SLC9A9: variants seen among roughly 807,000 people sequenced by gnomAD.
SLC9A9 encodes the protein solute carrier family 9 member A9.
Under a neutral mutation model 77.8 loss-of-function variants are expected in SLC9A9, and 62 were observed. That is an observed-to-expected ratio of 0.80 (90% CI 0.65 to 0.98). The LOEUF is 0.98. Among genes scored for constraint, SLC9A9 ranks in the 50% least tolerant of loss-of-function variants. SLC9A9 has a pLI of 0.00. For synonymous variants in SLC9A9, 320 were observed against 283.5 expected (o/e 1.13, Z -1.29); for missense variants, 775 against 774.9 (o/e 1.00, Z 0.00).
rs2036519372 is a variant in SLC9A9, at chr3:143,532,150, T to A, written c.1089+20212A>T. On this transcript the variant is annotated intron_variant, in intron 9 of 15. Coordinates refer to ENST00000316549, the MANE Select transcript of SLC9A9 (RefSeq NM_173653.4). ...AAATCCTCATTTTAAGTGTCTAATA[T>A]GATAAACATTGATACATGTAATCAG... Among the ~76,000 whole-genome samples, 9 of 152,364 alleles carry A rather than the reference T, an allele frequency of 5.9e-5. No individual in the cohort carries two copies. The South Asian group carries it at 1.9e-3, about 32-fold the overall frequency.
At chr3:143,545,885 A>G (rs1158520608) in intron 9 of SLC9A9, among the ~76,000 whole-genome samples, 1 of 152,214 alleles carries the variant, frequency 6.6e-6, no homozygotes, top group Non-Finnish European at 1.5e-5. Flanking sequence ...GTCTTTAATC[A>G]AGTGATCCCT....
At chr3:143,454,951 CTCT>C (rs911953968) in intron 12 of SLC9A9, among the ~76,000 whole-genome samples, 7 of 152,206 alleles carry the variant, frequency 4.6e-5, no homozygotes, top group Non-Finnish European at 1.0e-4. Flanking sequence ...AGAGAAAACT[CTCT>C]TCTTATAAAA....
chr3:143,836,936 C>T (rs938792332), intron 1 of SLC9A9, among the ~76,000 whole-genome samples: 2 of 152,120 alleles, frequency 1.3e-5, no homozygotes, highest in Non-Finnish European at 2.9e-5. Flanking sequence ...TAAGGTATAA[C>T]AAGTATTTAC....
At chr3:143,709,674 C>T (rs974893503) in intron 4 of SLC9A9, among the ~76,000 whole-genome samples, 7 of 152,106 alleles carry the variant, frequency 4.6e-5, no homozygotes, top group African/African-American at 1.7e-4. Flanking sequence ...GGCCTCCCTG[C>T]TGATTTGTGG....
At chr3:143,351,222 C>G (rs1157877981) in intron 14 of SLC9A9, among the ~76,000 whole-genome samples, 3 of 152,174 alleles carry the variant, frequency 2.0e-5, no homozygotes, top group Admixed American at 2.0e-4. Flanking sequence ...GATATTTTCT[C>G]TAGTCTACTA....
At chr3:143,733,446 C>A (rs1378027974) in intron 4 of SLC9A9, among the ~76,000 whole-genome samples, 1 of 151,964 alleles carries the variant, frequency 6.6e-6, no homozygotes, top group African/African-American at 2.4e-5. Context: ...AAAGGCCACT[C>A]CTCACATAGA....
intron 4 of SLC9A9, among the ~76,000 whole-genome samples, chr3:143,767,466 A>AG (rs1269260984): frequency 1.3e-5 from 2 of 151,412 alleles, no homozygotes; most frequent in Non-Finnish European, 2.9e-5. Context: ...GTTTGGAGGG[A>AG]GGATAGTTCC....
chr3:143,300,064 G>A (rs978031283), intron 14 of SLC9A9, among the ~76,000 whole-genome samples: 4 of 152,180 alleles, frequency 2.6e-5, no homozygotes, highest in Non-Finnish European at 5.9e-5. Flanking sequence ...AAATGTCTTG[G>A]CACTTGTAGC....
At chr3:143,587,151 C>T (rs2037554444) in intron 6 of SLC9A9, among the ~76,000 whole-genome samples, 1 of 152,180 alleles carries the variant, frequency 6.6e-6, no homozygotes, top group South Asian at 2.1e-4. Context: ...GGGAATAACG[C>T]AATCTCAGGC....
chr3:143,484,525 A>G (rs838648), intron 11 of SLC9A9, among the ~76,000 whole-genome samples: 33,396 of 152,202 alleles, frequency 0.22, 4,797 homozygotes, highest in Non-Finnish European at 0.33. Context: ...CACCTGATTC[A>G]TCACCTGATA....
At chr3:143,691,801 A>G (rs1458509743) in intron 5 of SLC9A9, among the ~76,000 whole-genome samples, 5 of 152,136 alleles carry the variant, frequency 3.3e-5, no homozygotes, top group African/African-American at 1.2e-4. Flanking sequence ...GAAGTCCTAT[A>G]ATAAGTCCTT....
At chr3:143,375,625 C>T (rs2033166673) in intron 13 of SLC9A9, among the ~76,000 whole-genome samples, 1 of 152,180 alleles carries the variant, frequency 6.6e-6, no homozygotes, top group Non-Finnish European at 1.5e-5. Flanking sequence ...CAGCTGACAG[C>T]TCTCCAACTC....
In SLC9A9 at chr3:143,590,889, A is replaced by G. The variant is rs147568430; in HGVS notation, c.756-12166T>C. Among the ~76,000 whole-genome samples, 106 of 152,332 alleles carry G rather than the reference A, an allele frequency of 7.0e-4. No individual in the cohort carries two copies. The East Asian group carries it at 0.016, about 24-fold the overall frequency. On this transcript the variant is annotated intron_variant, in intron 6 of 15. Transcript: ENST00000316549. ...CATAGAGATAAAGAAGAATCAGCAT[A>G]GGGCACTTGCTTAGATTGGAGCCTG... is the stretch of plus-strand genomic sequence containing the variant.
At chr3:143,557,447 G>A (rs965440471) in intron 8 of SLC9A9, among the ~76,000 whole-genome samples, 1 of 152,182 alleles carries the variant, frequency 6.6e-6, no homozygotes, top group Non-Finnish European at 1.5e-5. Flanking sequence ...AACAGGCAGA[G>A]GTTGGAACAG....
chr3:143,385,789 T>G (rs1300534413), intron 12 of SLC9A9, among the ~76,000 whole-genome samples: 2 of 152,140 alleles, frequency 1.3e-5, no homozygotes, highest in Non-Finnish European at 2.9e-5. Context: ...CCAAGGGTCT[T>G]TAGCACCTCT....
chr3:143,482,450 C>T (rs563313001), intron 11 of SLC9A9, among the ~76,000 whole-genome samples: 4 of 152,176 alleles, frequency 2.6e-5, no homozygotes, highest in Non-Finnish European at 5.9e-5. Flanking sequence ...GGTTTCAATG[C>T]CTTCTCAAAA....
At chr3:143,778,433 A>G (rs928722765) in intron 4 of SLC9A9, among the ~76,000 whole-genome samples, 1 of 152,250 alleles carries the variant, frequency 6.6e-6, no homozygotes, top group African/African-American at 2.4e-5. Flanking sequence ...TAAAACAAAT[A>G]TCGCACAGCA....
At chr3:143,800,221 C>G (rs973200833) in intron 2 of SLC9A9, among the ~76,000 whole-genome samples, 2 of 152,098 alleles carry the variant, frequency 1.3e-5, no homozygotes, top group African/African-American at 4.8e-5. Flanking sequence ...ACCAATCATG[C>G]ACCCCTTATC....
rs2108861614 is a variant in SLC9A9, at chr3:143,798,926, G to T, written c.379-2023C>A. Reference sequence around the variant, plus strand: ...AACTGACCTCTCCCCTCCTCCCCAGGCTGCTCCTTGCCAGGCTGAGCCAGG... The same window carrying T: ...AACTGACCTCTCCCCTCCTCCCCAGTCTGCTCCTTGCCAGGCTGAGCCAGG... On this transcript the variant is annotated intron_variant, in intron 2 of 15. Transcript: ENST00000316549. 1.3e-5 allele frequency among the ~76,000 whole-genome samples: 2 copies of T among 151,926 alleles called. 1 individual carries two copies. The highest frequency in any genetic ancestry group is 4.2e-4 in the South Asian group (2 of 4,788).
Sources: allele counts gnomAD v4.1 joint callset (sites outside exome capture counted in the v4.1 genomes callset), GRCh38; gene constraint gnomAD v4.1.1; transcripts MANE v1.5; gene names NCBI Gene and HGNC (gene_info 2026-07-23, HGNC 2026-07-21).